The following BCAS3 variants were observed in gnomAD, a reference collection of about 807,000 sequenced individuals.
BCAS3 encodes the protein BCAS4/BCAS3 fusion.
In BCAS3, 53 loss-of-function variants were observed where a neutral mutation model predicts 116.1. The observed-to-expected ratio is 0.46, with a 90% CI of 0.37 to 0.57. The LOEUF is 0.57. Among genes scored for constraint, BCAS3 ranks in the 20% least tolerant of loss-of-function variants. The pLI, the probability that BCAS3 is intolerant of heterozygous loss-of-function variation, is 0.00. For synonymous variants in BCAS3, 391 were observed against 408.2 expected (o/e 0.96, Z 0.51); for missense variants, 917 against 1,165.4 (o/e 0.79, Z 3.10).
rs2047928809 is a variant in BCAS3, at chr17:61,246,189, A to C, written c.2426-122138A>C. On this transcript the variant is annotated intron_variant, in intron 22 of 23. Transcript: ENST00000407086. The stretch of plus-strand genomic sequence containing the variant: ...GTCAAGTCAGGAATAGCTTTTAAAT[A>C]GGTTGCTATGGCCGGGTACAGTGGC... 2.6e-5 allele frequency among the ~76,000 whole-genome samples: 4 copies of C among 152,100 alleles called. No homozygotes were observed. The South Asian group carries it at 8.3e-4, about 32-fold the overall frequency.
At chr17:61,015,600 A>C (rs981584056) in intron 15 of BCAS3, 151 bp from the exon 16 acceptor site, 3 of 807,914 alleles carry the variant, frequency 3.7e-6, no homozygotes, top group African/African-American at 3.4e-5. Flanking sequence ...GTTTCTTCTC[A>C]TCCACATAAT....
intron 7 of BCAS3, among the ~76,000 whole-genome samples, chr17:60,854,502 GAA>G (rs535630462): frequency 2.6e-5 from 4 of 151,944 alleles, no homozygotes; most frequent in South Asian, 2.1e-4. Context: ...TGAACTACAA[GAA>G]AAAAACAACC....
At chr17:60,785,872 T>G (rs2046241556) in intron 6 of BCAS3, among the ~76,000 whole-genome samples, 1 of 152,222 alleles carries the variant, frequency 6.6e-6, no homozygotes, top group Admixed American at 6.5e-5. Context: ...GAACTAAGCA[T>G]GTACAGACTT....
At chr17:60,980,937 G>A (rs925931297) in intron 14 of BCAS3, among the ~76,000 whole-genome samples, 5 of 151,960 alleles carry the variant, frequency 3.3e-5, no homozygotes, top group South Asian at 2.1e-4. Context: ...GGGCTGAAGC[G>A]ATTCTCCCAC....
At chr17:61,089,376 T>C (rs907630931) in intron 22 of BCAS3, among the ~76,000 whole-genome samples, 3 of 151,950 alleles carry the variant, frequency 2.0e-5, no homozygotes, top group Non-Finnish European at 1.5e-5. Flanking sequence ...GAGCAGTTTT[T>C]GTTTTGTCTT....
At chr17:60,883,350 A>G (rs1424324028) in intron 9 of BCAS3, among the ~76,000 whole-genome samples, 7 of 138,580 alleles carry the variant, frequency 5.1e-5, no homozygotes, top group African/African-American at 2.0e-4. Context: ...GGGCTGAGAC[A>G]ATGGGGTTTT....
chr17:61,060,888 G>T (rs1454263261), intron 19 of BCAS3, among the ~76,000 whole-genome samples: 2 of 152,266 alleles, frequency 1.3e-5, no homozygotes, highest in East Asian at 1.9e-4. Flanking sequence ...GTGAGGCAGG[G>T]ACAGTGATTT....
chr17:61,335,218 GTACGT>G (rs1192448253), intron 22 of BCAS3, among the ~76,000 whole-genome samples: 3 of 152,204 alleles, frequency 2.0e-5, no homozygotes, highest in African/African-American at 7.2e-5. Flanking sequence ...TGTGTGCTCT[GTACGT>G]TCACAGCAGC....
chr17:61,194,063 G>A (rs146648192), intron 22 of BCAS3, among the ~76,000 whole-genome samples: 2,317 of 152,166 alleles, frequency 0.015, 50 homozygotes, highest in African/African-American at 0.052. Flanking sequence ...GTTGCAGTGA[G>A]CCAAGATCGT....
At chr17:60,780,349 C>T (rs371115755) in intron 6 of BCAS3, among the ~76,000 whole-genome samples, 5 of 149,558 alleles carry the variant, frequency 3.3e-5, no homozygotes, top group Non-Finnish European at 5.9e-5. Context: ...GACTGGGGTG[C>T]GGTGGAGCGA....
intron 14 of BCAS3, among the ~76,000 whole-genome samples, chr17:60,988,164 G>A (rs1723834222): frequency 6.7e-6 from 1 of 149,286 alleles, no homozygotes; most frequent in African/African-American, 2.5e-5. Context: ...GCATACCTGG[G>A]ATAAATTCCA....
chr17:61,271,361 C>T (rs1193367053), intron 22 of BCAS3, among the ~76,000 whole-genome samples: 34 of 147,672 alleles, frequency 2.3e-4, no homozygotes, highest in Non-Finnish European at 3.3e-4. Flanking sequence ...CTCCTGACCT[C>T]GTGATCCGCC....
At chr17:60,939,713 G>A (rs2060124659) in intron 13 of BCAS3, among the ~76,000 whole-genome samples, 1 of 152,142 alleles carries the variant, frequency 6.6e-6, no homozygotes, top group South Asian at 2.1e-4. Flanking sequence ...TTTTTTGAAT[G>A]CTCTTTCTCT....
intron 14 of BCAS3, among the ~76,000 whole-genome samples, chr17:60,953,571 T>C (rs969186061): frequency 5.3e-5 from 8 of 152,296 alleles, no homozygotes; most frequent in Non-Finnish European, 8.8e-5. Flanking sequence ...TTTAGTTTGA[T>C]TGGAGCCCAT....
Position 61,315,869 on chromosome 17 carries a change from C to A in BCAS3, c.2426-52458C>A, listed in dbSNP as rs1468724257. ...CACAGCTTTCCTCTTTACTCCTAGC[C>A]AGGCTCAGAGGGACCCACAGCTGAC... On this transcript the variant is annotated intron_variant, in intron 22 of 23. Transcript: ENST00000407086. The surrounding 1 kb of genome is among the most constrained non-coding windows in gnomAD (Gnocchi z 5.3). Among the ~76,000 whole-genome samples, 2 of 152,184 alleles carry A rather than the reference C, an allele frequency of 1.3e-5. No homozygotes were observed. Among genetic ancestry groups the A allele is most frequent in the Non-Finnish European group, 2.9e-5 (2 of 68,026 alleles).
intron 9 of BCAS3, among the ~76,000 whole-genome samples, chr17:60,875,064 G>A (rs141019985): frequency 4.6e-5 from 7 of 151,820 alleles, no homozygotes; most frequent in South Asian, 2.1e-4. Context: ...TTAACATACC[G>A]TACTTTTATA....
In BCAS3 at chr17:61,285,397, G is replaced by C. The variant is rs1231671044; in HGVS notation, c.2426-82930G>C. On this transcript the variant is annotated intron_variant, in intron 22 of 23. Transcript: ENST00000407086. The surrounding 1 kb of genome is among the most constrained non-coding windows in gnomAD (Gnocchi z 5.4). ...AGGTCTGAATACTTTGTTTTCTGCAGATTTTCAACAGGTGTCAGTTACACT... is the reference window on the plus strand; with the variant it reads ...AGGTCTGAATACTTTGTTTTCTGCACATTTTCAACAGGTGTCAGTTACACT... 2.0e-5 allele frequency among the ~76,000 whole-genome samples: 3 copies of C among 152,040 alleles called. No individual in the cohort carries two copies. The highest frequency in any genetic ancestry group is 4.4e-5 in the Non-Finnish European group (3 of 67,986).
intron 22 of BCAS3, among the ~76,000 whole-genome samples, chr17:61,154,265 T>C (rs1352697409): frequency 6.6e-6 from 1 of 152,152 alleles, no homozygotes; most frequent in East Asian, 1.9e-4. Flanking sequence ...GATTGTGAAC[T>C]GAGAGTTGGG....
chr17:60,811,482 C>A, intron 7 of BCAS3: 1 of 505,292 alleles, frequency 2.0e-6, no homozygotes, highest in South Asian at 1.7e-5. Flanking sequence ...AGCAGTGTAC[C>A]CTTTGGGGAG....
Sources: allele counts gnomAD v4.1 joint callset (sites outside exome capture counted in the v4.1 genomes callset), GRCh38; gene constraint gnomAD v4.1.1; non-coding constraint Gnocchi (gnomAD v3.1); transcripts MANE v1.5; gene names NCBI Gene and HGNC (gene_info 2026-07-23, HGNC 2026-07-21).